The following SLC71A2 variants were observed in gnomAD, a reference collection of about 807,000 sequenced individuals.
The protein encoded by SLC71A2 is hippocampus abundant transcript-like 1.
chr9:94,426,168 A>G, the SLC71A2 span, among the ~76,000 whole-genome samples: 1 of 149,918 alleles, frequency 6.7e-6, no homozygotes, highest in East Asian at 2.0e-4. Flanking sequence ...TTTGGCAGCC[A>G]TAAGAGATCT....
the SLC71A2 span, chr9:94,459,044 C>A: frequency 1.8e-6 from 2 of 1,116,332 alleles, no homozygotes; most frequent in Non-Finnish European, 2.6e-6. Context: ...GAAACATTTG[C>A]TTATGAGAAT....
the SLC71A2 span, among the ~76,000 whole-genome samples, chr9:94,383,594 GA>G: frequency 6.6e-6 from 1 of 152,130 alleles, no homozygotes; most frequent in African/African-American, 2.4e-5. Context: ...CATAAGACTT[GA>G]AAACTAACAG....
the SLC71A2 span, among the ~76,000 whole-genome samples, chr9:94,407,839 A>AT: frequency 1.3e-5 from 2 of 152,184 alleles, no homozygotes; most frequent in South Asian, 4.1e-4. Context: ...ATAAAAATTC[A>AT]TAAGTTTTAA....
the SLC71A2 span, among the ~76,000 whole-genome samples, chr9:94,381,697 A>T: frequency 4.6e-5 from 7 of 152,210 alleles, no homozygotes; most frequent in Non-Finnish European, 8.8e-5. Flanking sequence ...TTGGCTGGGC[A>T]TGGTGGCTCA....
the SLC71A2 span, among the ~76,000 whole-genome samples, chr9:94,451,052 C>G: frequency 1.3e-5 from 2 of 152,146 alleles, no homozygotes; most frequent in Non-Finnish European, 2.9e-5. Flanking sequence ...TTGCTTACAT[C>G]ATGATTTTAA....
At chr9:94,458,476 AT>A in the SLC71A2 span, 2 of 1,613,006 alleles carry the variant, frequency 1.2e-6, no homozygotes, top group Non-Finnish European at 1.7e-6. Flanking sequence ...TAATTTGGTC[AT>A]AAGTCTAGTT....
At chr9:94,448,206 G>A in the SLC71A2 span, among the ~76,000 whole-genome samples, 1 of 152,162 alleles carries the variant, frequency 6.6e-6, no homozygotes. Context: ...GGCACCTTCA[G>A]TAGGTCATAG....
the SLC71A2 span, among the ~76,000 whole-genome samples, chr9:94,422,480 T>C: frequency 6.6e-6 from 1 of 152,260 alleles, no homozygotes; most frequent in African/African-American, 2.4e-5. Context: ...TAATATTTCT[T>C]GTATATATCT....
chr9:94,387,574 A>G, the SLC71A2 span, among the ~76,000 whole-genome samples: 6 of 152,240 alleles, frequency 3.9e-5, no homozygotes, highest in African/African-American at 1.4e-4. Flanking sequence ...ACATCAGTGC[A>G]TGGAGATAAA....
chr9:94,420,611 A>T, the SLC71A2 span, among the ~76,000 whole-genome samples: 424 of 142,078 alleles, frequency 3.0e-3, 1 homozygote, highest in Non-Finnish European at 3.3e-3. Flanking sequence ...TTTTTTTTTT[A>T]AATTCAAGGC....
At chr9:94,456,472 C>T in the SLC71A2 span, 2 of 629,768 alleles carry the variant, frequency 3.2e-6, no homozygotes, top group Middle Eastern at 4.1e-4. Flanking sequence ...TACCTATTTA[C>T]TTTGGCAGAT....
At chr9:94,441,915 G>T in the SLC71A2 span, among the ~76,000 whole-genome samples, 55 of 152,320 alleles carry the variant, frequency 3.6e-4, no homozygotes, top group African/African-American at 1.2e-3. Context: ...GATAGCTGAA[G>T]CGTTTTACAT....
At chr9:94,395,421 G>A in the SLC71A2 span, among the ~76,000 whole-genome samples, 1 of 144,668 alleles carries the variant, frequency 6.9e-6, no homozygotes, top group African/African-American at 2.7e-5. Flanking sequence ...TGATGTATTT[G>A]ATAATAAGGG....
the SLC71A2 span, among the ~76,000 whole-genome samples, chr9:94,424,244 G>T: frequency 4.6e-5 from 7 of 151,266 alleles, no homozygotes; most frequent in Middle Eastern, 6.8e-3. Flanking sequence ...TTTTTTGGCG[G>T]AGGGGGGAGC....
the SLC71A2 span, among the ~76,000 whole-genome samples, chr9:94,456,714 T>A: frequency 1.3e-5 from 2 of 152,230 alleles, no homozygotes; most frequent in Non-Finnish European, 2.9e-5. Context: ...ATTACTTTAT[T>A]CACTAATTAT....
the SLC71A2 span, among the ~76,000 whole-genome samples, chr9:94,386,132 C>T: frequency 3.9e-5 from 6 of 151,996 alleles, no homozygotes; most frequent in South Asian, 2.1e-4. Context: ...AATTTGTTTT[C>T]GGTAACGATT....
the SLC71A2 span, among the ~76,000 whole-genome samples, chr9:94,391,717 G>A: frequency 6.8e-6 from 1 of 147,996 alleles, no homozygotes; most frequent in Non-Finnish European, 1.5e-5. Flanking sequence ...GTGAAACTCC[G>A]TCTCTACTAA....
chr9:94,419,363 G>T, the SLC71A2 span, among the ~76,000 whole-genome samples: 1 of 146,320 alleles, frequency 6.8e-6, no homozygotes, highest in Admixed American at 7.1e-5. Context: ...GGCGGATCTT[G>T]GCTCACTGCA....
chr9:94,411,752 T>G, the SLC71A2 span, among the ~76,000 whole-genome samples: 1 of 151,822 alleles, frequency 6.6e-6, no homozygotes, highest in African/African-American at 2.4e-5. Context: ...CACCAAGCCT[T>G]GCTAATTTTT....
Sources: allele counts gnomAD v4.1 joint callset (sites outside exome capture counted in the v4.1 genomes callset), GRCh38; gene constraint gnomAD v4.1.1; transcripts MANE v1.5; gene names NCBI Gene and HGNC (gene_info 2026-07-23, HGNC 2026-07-21).